EXOC3L2: variants seen among roughly 807,000 people sequenced by gnomAD.
The protein encoded by EXOC3L2 is exocyst complex component 3 like 2.
EXOC3L2 carries 17 observed loss-of-function variants against 44.4 expected under a neutral mutation model. The ratio of observed to expected loss-of-function variants is 0.38; its 90% CI spans 0.26 to 0.57. The LOEUF is 0.57. Among genes scored for constraint, EXOC3L2 ranks in the 20% least tolerant of loss-of-function variants. EXOC3L2 has a pLI of 0.65. For missense variants in EXOC3L2, 541 were observed against 588.4 expected (o/e 0.92, Z 0.83); for synonymous variants, 256 against 253.7 (o/e 1.01, Z -0.09).
In EXOC3L2 at chr19:45,217,608, T is replaced by G; in HGVS notation, c.1918A>C (p.Ser640Arg). Residue 640 changes from serine to arginine, a missense_variant, in exon 10 of 12, where the codon AGC becomes CGC. Physicochemically the swap from Ser to Arg is moderately radical, Grantham distance 110 (BLOSUM62 -1). Coordinates refer to ENST00000413988, the MANE Select transcript of EXOC3L2 (RefSeq NM_001382422.1). ...ACGCGGCTGCGGGTCCGCGCCGAGC[T>G]GCAGCGCAGGCGCCCACGGAGCAGG... ...RPLLRGRLRC[S>R]SARTRSRVAG... 2.0e-6 allele frequency: 3 copies of G among 1,512,708 alleles called. No homozygotes were observed. The highest frequency in any genetic ancestry group is 2.6e-6 in the Non-Finnish European group (3 of 1,138,194). The allele number at this position is 1,512,708 out of a possible 1,614,324, so 93.7% of individuals were successfully genotyped here. A position where few individuals can be genotyped will look rare whatever the true frequency, so the allele number is the denominator to read the frequency against.
At position 45,238,797 on chromosome 19, in the gene EXOC3L2, C is replaced by T; in HGVS notation, c.249G>A (p.Gly83=). The part of the protein sequence containing the change: ...PGRRAGSPGD[G]QPRSFLGRVL... ...CACGGCCCAAGAAAGAGCGGGGCTG[C>T]CCATCCCCAGGGCTGCCTGCCCGCC... is the stretch of plus-strand genomic sequence containing the variant. Residue 83 remains glycine (G), a synonymous_variant, in exon 2 of 12, where the codon GGG becomes GGA. Coordinates refer to ENST00000413988, the MANE Select transcript of EXOC3L2 (RefSeq NM_001382422.1). This position sits in a 1 kb window ranked among gnomAD's most constrained non-coding sequence, Gnocchi z 5.5. The T allele has an allele frequency of 2.5e-6, 1 of 398,916 alleles. No individual in the cohort carries two copies. Among genetic ancestry groups the T allele is most frequent in the South Asian group, 1.3e-4 (1 of 7,860 alleles). The allele number at this position is 398,916 out of a possible 1,614,324, so 24.7% of individuals were successfully genotyped here.
At chr19:45,232,907 G>A (rs183776857) in intron 3 of EXOC3L2, among the ~76,000 whole-genome samples, 2 of 152,142 alleles carry the variant, frequency 1.3e-5, no homozygotes, top group East Asian at 1.9e-4. Flanking sequence ...GTAAAACCCC[G>A]CCTCTACTAA....
intron 10 of EXOC3L2, chr19:45,216,718 C>G (rs1410908189): frequency 6.5e-6 from 1 of 152,708 alleles, no homozygotes; most frequent in East Asian, 1.9e-4. Flanking sequence ...CTCCAAACCT[C>G]TTCCACGTCT....
intron 4 of EXOC3L2, 136 bp downstream of exon 4, chr19:45,231,627 G>A (rs1293247347): frequency 2.9e-6 from 2 of 695,620 alleles, no homozygotes; most frequent in Non-Finnish European, 2.4e-6. Context: ...TATGGCACAT[G>A]GATAGAACTC....
chr19:45,221,548 C>T (rs1032649859), intron 8 of EXOC3L2, among the ~76,000 whole-genome samples: 7 of 150,616 alleles, frequency 4.6e-5, no homozygotes, highest in Non-Finnish European at 7.4e-5. Flanking sequence ...GGGGTTTCAC[C>T]GTGTTGGCCA....
chr19:45,227,962 A>G lies in EXOC3L2; in HGVS notation c.1472+12T>C. 1 of 1,612,498 alleles carries G rather than the reference A, an allele frequency of 6.2e-7. No individual in the cohort carries two copies. On this transcript the variant is annotated intron_variant, in intron 6 of 11. Coordinates refer to ENST00000413988, the MANE Select transcript of EXOC3L2 (RefSeq NM_001382422.1). Reference sequence around the variant, plus strand: ...CCCAGCAGAGCTAACCTGTGCTCCCAGGTTCCCCTACCTCTGCAGGAACTC... The same window carrying G: ...CCCAGCAGAGCTAACCTGTGCTCCCGGGTTCCCCTACCTCTGCAGGAACTC...
chr19:45,227,540 C>CT, intron 7 of EXOC3L2, 122 bp downstream of exon 7: 4 of 741,384 alleles, frequency 5.4e-6, no homozygotes, highest in Non-Finnish European at 9.0e-6. Context: ...TTTTATGCGT[C>CT]TAAGGTCCCA....
At chr19:45,230,934 TTTA>T (rs1250109406) in intron 4 of EXOC3L2, among the ~76,000 whole-genome samples, 1 of 151,676 alleles carries the variant, frequency 6.6e-6, no homozygotes, top group Non-Finnish European at 1.5e-5. Flanking sequence ...ATTTTTTTTT[TTTA>T]AATTATCCAG....
intron 2 of EXOC3L2, among the ~76,000 whole-genome samples, chr19:45,235,998 G>A (rs1970080767): frequency 6.6e-6 from 1 of 152,068 alleles, no homozygotes; most frequent in African/African-American, 2.4e-5. Flanking sequence ...AGGGCCGGAG[G>A]TGAGGATGGG....
rs753870772 is a variant in EXOC3L2, at chr19:45,224,910, A to G, written c.1587T>C (p.Ala529=). ...CCACCCGGGCCAGGCGCTCGGCCAG[A>G]GCTCTGTGGGGATCAACAGAGCCAA... The part of the protein sequence containing the change: ...ALVNCGPPLR[A]LAERLARVGP... Residue 529 remains alanine, a synonymous_variant, in exon 8 of 12, where the codon GCT becomes GCC. Transcript: ENST00000413988. 60 of 1,529,398 alleles carry G rather than the reference A, an allele frequency of 3.9e-5. No individual in the cohort carries two copies. Among genetic ancestry groups the G allele is most frequent in the Non-Finnish European group, 5.1e-5 (58 of 1,137,266 alleles). 94.7% of individuals were successfully genotyped at this position (1,529,398 alleles called of 1,614,324 possible).
chr19:45,215,481 G>GA (rs751130338), intron 11 of EXOC3L2, among the ~76,000 whole-genome samples: 1 of 151,544 alleles, frequency 6.6e-6, no homozygotes, highest in Non-Finnish European at 1.5e-5. Context: ...AAAAAAAAAA[G>GA]AAAAAAAGTT....
chr19:45,223,586 G>A (rs190920474), intron 8 of EXOC3L2, among the ~76,000 whole-genome samples: 5 of 149,910 alleles, frequency 3.3e-5, no homozygotes, highest in South Asian at 2.2e-4. Context: ...CAAGTGATCC[G>A]CCCACCTTGG....
At position 45,224,824 on chromosome 19, in the gene EXOC3L2, C is replaced by T. The variant is rs145255138; in HGVS notation, c.1673G>A (p.Arg558Gln). ...ASASALDHVT[R>Q]LCHRVVANLL... ...GTTGGCCACGACACGGTGGCAGAGC[C>T]GGGTCACATGGTCCAGAGCACTAGC... The change falls in exon 8 of 12, where the codon CGG becomes CAG. Residue 558 changes from arginine (R) to glutamine (Q), a missense_variant. Arg to Gln is a conservative substitution (Grantham distance 43, BLOSUM62 1). Transcript: ENST00000413988. The T allele has an allele frequency of 1.0e-3, 1,647 of 1,586,832 alleles. 1 individual carries two copies. Among genetic ancestry groups the T allele is most frequent in the Non-Finnish European group, 1.3e-3 (1,494 of 1,166,828 alleles).
intron 1 of EXOC3L2, among the ~76,000 whole-genome samples, chr19:45,242,084 C>G (rs1169884461): frequency 6.6e-6 from 1 of 152,166 alleles, no homozygotes; most frequent in African/African-American, 2.4e-5. Flanking sequence ...GCTTTAAGTT[C>G]CTTGATAAGG....
intron 1 of EXOC3L2, among the ~76,000 whole-genome samples, chr19:45,242,678 A>G (rs1970139657): frequency 6.6e-6 from 1 of 152,072 alleles, no homozygotes; most frequent in Admixed American, 6.6e-5. Context: ...CCTGGCAAAC[A>G]TGGTGAAACC....
chr19:45,212,438 C>G lies in EXOC3L2; in HGVS notation c.*631G>C, dbSNP rs1298973299. ...CTTAATACATTGGATTGGGGCCAGACCTTGAGGTGAGGGAAAGGGGCGGGG... is the reference window on the plus strand; with the variant it reads ...CTTAATACATTGGATTGGGGCCAGAGCTTGAGGTGAGGGAAAGGGGCGGGG... On this transcript the variant is annotated 3_prime_UTR_variant, in exon 12 of 12. Transcript: ENST00000413988. Among the ~76,000 whole-genome samples the G allele has an allele frequency of 6.6e-6, 1 of 151,950 alleles. No individual in the cohort carries two copies. The highest frequency in any genetic ancestry group is 1.5e-5 in the Non-Finnish European group (1 of 67,994).
intron 8 of EXOC3L2, among the ~76,000 whole-genome samples, chr19:45,222,677 C>T (rs1181431515): frequency 3.3e-5 from 5 of 152,152 alleles, no homozygotes; most frequent in Non-Finnish European, 7.3e-5. Flanking sequence ...AGGCCAGGCA[C>T]AGTGGCTCAT....
chr19:45,217,567 C>G lies in EXOC3L2; in HGVS notation c.1959G>C (p.Arg653=). ...RTRSRVAGRL[R]EDAAQLQRLF... Reference sequence around the variant, plus strand: ...GCCTCTGCAGTTGCGCCGCGTCCTCCCGGAGCCTGCCGGCCACGCGGCTGC... The same window carrying G: ...GCCTCTGCAGTTGCGCCGCGTCCTCGCGGAGCCTGCCGGCCACGCGGCTGC... Residue 653 remains arginine, a synonymous_variant, in exon 10 of 12, where the codon CGG becomes CGC. Coordinates refer to ENST00000413988, the MANE Select transcript of EXOC3L2 (RefSeq NM_001382422.1). 2 of 1,556,988 alleles carry G rather than the reference C, an allele frequency of 1.3e-6. No individual in the cohort carries two copies. Among genetic ancestry groups the G allele is most frequent in the Non-Finnish European group, 1.7e-6 (2 of 1,158,680 alleles).
At position 45,234,671 on chromosome 19, in the gene EXOC3L2, C is replaced by T; in HGVS notation, c.679G>A (p.Val227Met). Residue 227 changes from valine to methionine, a missense_variant, in exon 3 of 12, where the codon GTG (valine) becomes ATG (methionine). Coordinates refer to ENST00000413988, the MANE Select transcript of EXOC3L2 (RefSeq NM_001382422.1). This position sits in a 1 kb window ranked among gnomAD's most constrained non-coding sequence, Gnocchi z 5.0. ...GAGGGRRARD[V>M]ALLYEALQRE... The stretch of plus-strand genomic sequence containing the variant: ...TGCAGGGCCTCGTACAGCAGCGCCA[C>T]GTCCCGCGCCCGGCGGCCCCCGCCA... 2 of 376,936 alleles carry T rather than the reference C, an allele frequency of 5.3e-6. No homozygotes were observed. The highest frequency in any genetic ancestry group is 9.4e-6 in the Non-Finnish European group (2 of 212,248). The allele number at this position is 376,936 out of a possible 1,614,324, so 23.3% of individuals were successfully genotyped here.
Sources: gnomAD v4.1 joint callset for allele counts (sites outside exome capture counted in the v4.1 genomes callset) on GRCh38, gnomAD v4.1.1 for gene constraint, Gnocchi (gnomAD v3.1) non-coding constraint, MANE v1.5 for transcripts, NCBI Gene and HGNC (gene_info 2026-07-23, HGNC 2026-07-21) for gene names.